The following FAM228B variants were observed in gnomAD, a reference collection of about 807,000 sequenced individuals.
FAM228B encodes the protein family with sequence similarity 228 member B.
Under a neutral mutation model 42.6 loss-of-function variants are expected in FAM228B, and 38 were observed. The ratio of observed to expected loss-of-function variants is 0.89; its 90% confidence interval spans 0.69 to 1.17. The LOEUF (loss-of-function observed/expected upper bound fraction) is 1.17. FAM228B is among the 50% of genes most tolerant of loss of function. The pLI is 0.00. For synonymous variants in FAM228B, 109 were observed against 122.3 expected (o/e 0.89, Z 0.72); for missense variants, 344 against 367.3 (o/e 0.94, Z 0.52).
chr2:24,122,473 T>G (rs774925544), upstream of FAM228B: 2 of 1,614,126 alleles, frequency 1.2e-6, no homozygotes, highest in Non-Finnish European at 1.7e-6. Flanking sequence ...TGATGAGGGC[T>G]GCACTGTCCA....
At chr2:24,151,193 T>C (rs1274447936) in intron 7 of FAM228B, among the ~76,000 whole-genome samples, 1 of 152,204 alleles carries the variant, frequency 6.6e-6, no homozygotes, top group Non-Finnish European at 1.5e-5. Context: ...CATTTTTCTG[T>C]TTGATAAATT....
At chr2:24,101,319 T>G (rs1157041016) in intron 3 of FAM228B, among the ~76,000 whole-genome samples, 4 of 152,234 alleles carry the variant, frequency 2.6e-5, no homozygotes, top group Admixed American at 6.5e-5. Context: ...TTCATTCCAC[T>G]GTTTTCATTG....
chr2:24,127,994 A>G (rs1189559459), intron 2 of FAM228B, among the ~76,000 whole-genome samples: 1 of 151,782 alleles, frequency 6.6e-6, no homozygotes. Context: ...TATTCCCTCC[A>G]TCTTTTGGGA....
chr2:24,150,384 G>T (rs1187125061), intron 7 of FAM228B, among the ~76,000 whole-genome samples: 1 of 151,672 alleles, frequency 6.6e-6, no homozygotes, highest in East Asian at 1.9e-4. Context: ...TACTATTCTA[G>T]GGTAAAAGTT....
intron 2 of FAM228B, among the ~76,000 whole-genome samples, chr2:24,129,436 T>C (rs1356901202): frequency 1.3e-5 from 2 of 152,148 alleles, no homozygotes; most frequent in Non-Finnish European, 2.9e-5. Context: ...TCCATTCTTT[T>C]ACTCCTCACT....
chr2:24,122,579 C>T (rs1239466364), upstream of FAM228B: 3 of 1,352,974 alleles, frequency 2.2e-6, no homozygotes, highest in Admixed American at 5.4e-5. Context: ...AAGCCATTGA[C>T]TCTGGCTAGC....
chr2:24,122,416 T>C (rs758918618), upstream of FAM228B: 4 of 1,604,056 alleles, frequency 2.5e-6, no homozygotes, highest in Admixed American at 6.7e-5. Flanking sequence ...TGTTTTTTCT[T>C]ACATTGAAAC....
intron 7 of FAM228B, among the ~76,000 whole-genome samples, chr2:24,150,068 G>A (rs1348262643): frequency 6.6e-6 from 1 of 152,030 alleles, no homozygotes; most frequent in African/African-American, 2.4e-5. Context: ...TTGAAAAGTT[G>A]TTGTAATTAT....
Position 24,138,036 on chromosome 2 carries a change from A to T in FAM228B, c.296A>T (p.His99Leu). 1.9e-6 allele frequency: 3 copies of T among 1,546,848 alleles called. No homozygotes were observed. Among genetic ancestry groups the T allele is most frequent in the East Asian group, 2.4e-5 (1 of 40,824 alleles). Residue 99 changes from histidine to leucine, a missense_variant, in exon 4 of 11, where the codon CAT (histidine) becomes CTT (leucine). By Grantham distance (99) the His-to-Leu change is moderately conservative. Coordinates refer to ENST00000615575, the MANE Select transcript of FAM228B (RefSeq NM_001145710.2). ...AAAATTATAGAAAAAGTTTGCTCAC[A>T]TAAGAAGATTAAAAAAAGGAGGCAA... ...QKKIIEKVCS[H>L]KKIKKRRQGE...
intron 3 of FAM228B, among the ~76,000 whole-genome samples, chr2:24,114,617 T>C (rs1396538193): frequency 6.6e-6 from 1 of 152,312 alleles, no homozygotes; most frequent in Non-Finnish European, 1.5e-5. Context: ...TTGAATTCCC[T>C]AGGCTGTCTT....
At chr2:24,123,705 G>A (rs905476947) in intron 1 of FAM228B, among the ~76,000 whole-genome samples, 172 bp downstream of exon 1, 1 of 151,376 alleles carries the variant, frequency 6.6e-6, no homozygotes, top group Admixed American at 6.6e-5. Context: ...CTCCCCGCCA[G>A]GCCGGGCGGT....
At chr2:24,082,065 G>A (rs999014155) in intron 2 of FAM228B, among the ~76,000 whole-genome samples, 2 of 152,104 alleles carry the variant, frequency 1.3e-5, no homozygotes, top group African/African-American at 4.8e-5. Flanking sequence ...CATGATCATG[G>A]CTCACTGCAG....
intron 5 of FAM228B, among the ~76,000 whole-genome samples, chr2:24,146,466 A>T (rs1390588036): frequency 6.6e-6 from 1 of 152,210 alleles, no homozygotes; most frequent in Non-Finnish European, 1.5e-5. Context: ...AAATTTGGGA[A>T]CATATGGTAA....
At position 24,077,554 on chromosome 2, in the gene FAM228B, G is replaced by T. The variant is rs149890387; in HGVS notation, c.-290+585G>T. 27 of 1,594,826 alleles carry T rather than the reference G, an allele frequency of 1.7e-5. No individual in the cohort carries two copies. The highest frequency in any genetic ancestry group is 2.2e-5 in the Non-Finnish European group (26 of 1,171,516). ...TGCTCTGGAAAGGCCTGGGGTGGCCGCGTCCTGTCCTGCCCCATCCTCCTT... is the reference window on the plus strand; with the variant it reads ...TGCTCTGGAAAGGCCTGGGGTGGCCTCGTCCTGTCCTGCCCCATCCTCCTT... On this transcript the variant is annotated intron_variant, in intron 1 of 10. Coordinates refer to the FAM228B transcript ENST00000613899. The surrounding 1 kb of genome is among the most constrained non-coding windows in gnomAD (Gnocchi z 5.5).
intron 5 of FAM228B, among the ~76,000 whole-genome samples, chr2:24,143,724 G>C (rs920738865): frequency 1.3e-5 from 2 of 151,762 alleles, no homozygotes; most frequent in Non-Finnish European, 2.9e-5. Context: ...AACATAACAG[G>C]CATATTATTA....
At chr2:24,092,924 GCACA>G (rs3030954) in intron 2 of FAM228B, among the ~76,000 whole-genome samples, 3,696 of 133,466 alleles carry the variant, frequency 0.028, 65 homozygotes, top group African/African-American at 0.046. Context: ...ATGATTTTAT[GCACA>G]CACACACACA....
At chr2:24,078,426 G>A (rs1383157410) in intron 1 of FAM228B, among the ~76,000 whole-genome samples, 1 of 151,024 alleles carries the variant, frequency 6.6e-6, no homozygotes, top group South Asian at 2.1e-4. Flanking sequence ...TACCCAGGAG[G>A]CTGATTGTGC....
intron 5 of FAM228B, among the ~76,000 whole-genome samples, chr2:24,146,021 T>G (rs1666885909): frequency 6.6e-6 from 1 of 152,234 alleles, no homozygotes; most frequent in Non-Finnish European, 1.5e-5. Flanking sequence ...GTTAATATTT[T>G]CTTAATATTT....
intron 2 of FAM228B, among the ~76,000 whole-genome samples, chr2:24,088,602 C>T (rs891033299): frequency 2.6e-5 from 4 of 151,812 alleles, no homozygotes; most frequent in African/African-American, 9.7e-5. Context: ...CCACCTGCTT[C>T]GGCCTCCCAA....
Sources: gnomAD v4.1 joint callset for allele counts (sites outside exome capture counted in the v4.1 genomes callset) on GRCh38, gnomAD v4.1.1 for gene constraint, Gnocchi (gnomAD v3.1) non-coding constraint, MANE v1.5 for transcripts, NCBI Gene and HGNC (gene_info 2026-07-23, HGNC 2026-07-21) for gene names.